The following DNMBP variants were observed in gnomAD, a reference collection of about 807,000 sequenced individuals.
DNMBP encodes the protein dynamin-binding protein.
DNMBP carries 87 observed loss-of-function variants against 150.0 expected under a neutral mutation model. The observed-to-expected ratio is 0.58, with a 90% confidence interval of 0.49 to 0.69. The LOEUF (loss-of-function observed/expected upper bound fraction) is 0.69. Among genes scored for constraint, DNMBP ranks in the 30% least tolerant of loss-of-function variants. The pLI, the probability that DNMBP is intolerant of heterozygous loss-of-function variation, is 0.00. For synonymous variants in DNMBP, 711 were observed against 750.4 expected (o/e 0.95, Z 0.86); for missense variants, 1,774 against 1,949.0 (o/e 0.91, Z 1.69).
At position 99,915,128 on chromosome 10, in the gene DNMBP, T is replaced by TATAC. The variant is rs1439020903; in HGVS notation, c.2261-5983_2261-5982insGTAT. ...AAAAAAATATATATATATATATATA[T>TATAC]ACACACACACACATATATATACATA... On this transcript the variant is annotated intron_variant, in intron 4 of 16. Coordinates refer to ENST00000324109, the MANE Select transcript of DNMBP (RefSeq NM_015221.4). Among the ~76,000 whole-genome samples, 435 of 126,062 alleles carry TATAC rather than the reference T, an allele frequency of 3.5e-3. 1 individual carries two copies. Among genetic ancestry groups the TATAC allele is most frequent in the African/African-American group, 0.011 (338 of 31,196 alleles). 82.7% of individuals were successfully genotyped at this position (126,062 alleles called of 152,430 possible).
At chr10:99,885,642 C>T in intron 14 of DNMBP, 45 bp downstream of exon 14, 1 of 1,519,834 alleles carries the variant, frequency 6.6e-7, no homozygotes, top group Non-Finnish European at 8.9e-7. Flanking sequence ...AGGGTTCCCC[C>T]TCTTTACCCC....
At chr10:100,001,283 T>TGAGA (rs1463766844) in intron 1 of DNMBP, among the ~76,000 whole-genome samples, 5 of 93,342 alleles carry the variant, frequency 5.4e-5, no homozygotes, top group Non-Finnish European at 8.3e-5. Flanking sequence ...GGATAGAGAG[T>TGAGA]GAGAAAGGAA....
intron 1 of DNMBP, among the ~76,000 whole-genome samples, chr10:100,005,452 T>C (rs914046295): frequency 2.6e-5 from 4 of 151,890 alleles, no homozygotes; most frequent in Non-Finnish European, 1.5e-5. Context: ...TATGGATGGA[T>C]CTTAAAAACA....
intron 6 of DNMBP, among the ~76,000 whole-genome samples, chr10:99,903,823 C>A (rs1044275560): frequency 2.6e-5 from 4 of 152,200 alleles, no homozygotes; most frequent in African/African-American, 9.6e-5. Context: ...ATATCAATTA[C>A]AAACTAGCAA....
intron 2 of DNMBP, among the ~76,000 whole-genome samples, chr10:99,969,787 G>C (rs1254813981): frequency 1.3e-5 from 2 of 152,090 alleles, no homozygotes; most frequent in Non-Finnish European, 2.9e-5. Context: ...CTGTCTCTGG[G>C]TATATTTATC....
In DNMBP at chr10:99,969,245, TA is replaced by T; in HGVS notation, c.146-9del. On this transcript the variant is annotated splice_polypyrimidine_tract_variant and intron_variant, in intron 2 of 16. Coordinates refer to ENST00000324109, the MANE Select transcript of DNMBP (RefSeq NM_015221.4). ...AACTGCTGGGGAATTGTCCTGAAAATAAAAGCAAACATATTAAATTTTAATA... is the reference window on the plus strand; with the variant it reads ...AACTGCTGGGGAATTGTCCTGAAAATAAAGCAAACATATTAAATTTTAATA... 1.2e-6 allele frequency: 2 copies of T among 1,613,622 alleles called. No homozygotes were observed. The highest frequency in any genetic ancestry group is 1.7e-6 in the Non-Finnish European group (2 of 1,179,812).
intron 1 of DNMBP, among the ~76,000 whole-genome samples, chr10:99,994,240 T>C (rs185572563): frequency 6.2e-4 from 94 of 152,360 alleles, no homozygotes; most frequent in African/African-American, 2.1e-3. Flanking sequence ...AACTTTAGTT[T>C]CCTCATCTGT....
intron 11 of DNMBP, among the ~76,000 whole-genome samples, chr10:99,892,909 A>ATAAACTGAGGTAGGGGGAGGACATCT: frequency 6.6e-6 from 1 of 152,366 alleles, no homozygotes; most frequent in South Asian, 2.1e-4. Flanking sequence ...TCAGAAGTCA[A>ATAAACTGAGGTAGGGGGAGGACATCT]TAAACTGAGG....
intron 3 of DNMBP, among the ~76,000 whole-genome samples, chr10:99,968,807 T>C (rs541602862): frequency 6.6e-6 from 1 of 152,232 alleles, no homozygotes; most frequent in East Asian, 1.9e-4. Flanking sequence ...AGGCCAAGAC[T>C]TCCCACCTTC....
At chr10:99,999,094 G>A (rs1350196503) in intron 1 of DNMBP, among the ~76,000 whole-genome samples, 1 of 152,190 alleles carries the variant, frequency 6.6e-6, no homozygotes, top group Non-Finnish European at 1.5e-5. Context: ...GCTCCAGACA[G>A]AATCCTCCCT....
chr10:99,916,217 C>T (rs1471251248), intron 4 of DNMBP, among the ~76,000 whole-genome samples: 1 of 152,214 alleles, frequency 6.6e-6, no homozygotes, highest in Admixed American at 6.5e-5. Context: ...AATCCTAGCA[C>T]TTTTGGAAGC....
chr10:99,955,008 A>T (rs2040467424), intron 4 of DNMBP, among the ~76,000 whole-genome samples: 1 of 149,662 alleles, frequency 6.7e-6, no homozygotes, highest in African/African-American at 2.5e-5. Context: ...AGCCAAGTTC[A>T]TGCCACTGCA....
At chr10:99,991,547 T>C (rs1458752022) in intron 1 of DNMBP, among the ~76,000 whole-genome samples, 1 of 151,578 alleles carries the variant, frequency 6.6e-6, no homozygotes, top group Non-Finnish European at 1.5e-5. Flanking sequence ...ATTGGCTTCC[T>C]AGTACAATGT....
intron 1 of DNMBP, among the ~76,000 whole-genome samples, chr10:99,996,020 T>C (rs571145977): frequency 7.6e-4 from 116 of 152,362 alleles, no homozygotes; most frequent in South Asian, 2.9e-3. Context: ...CTGTGAACAG[T>C]TGTGAACATG....
At position 99,956,017 on chromosome 10, in the gene DNMBP, G is replaced by A; in HGVS notation, c.1457C>T (p.Ala486Val). 1.2e-6 allele frequency: 2 copies of A among 1,614,208 alleles called. No homozygotes were observed. Among genetic ancestry groups the A allele is most frequent in the Non-Finnish European group, 1.7e-6 (2 of 1,180,046 alleles). ...LPLYRGSSVS[A>V]SRVVKPRQSS... Reference sequence around the variant, plus strand: ...TTGTCTGGGTTTGACTACCCTTGAAGCTGAAACAGAAGAGCCCCTGTAAAG... The same window carrying A: ...TTGTCTGGGTTTGACTACCCTTGAAACTGAAACAGAAGAGCCCCTGTAAAG... The change falls in exon 4 of 17, where the codon GCT becomes GTT. Residue 486 changes from alanine to valine, a missense_variant. By Grantham distance (64) the Ala-to-Val change is moderately conservative (BLOSUM62 0). Around this residue, in one of 2 missense-constraint regions of DNMBP, gnomAD observed 1,430 missense variants for 1,492.5 expected, o/e 0.96. Coordinates refer to ENST00000324109, the MANE Select transcript of DNMBP (RefSeq NM_015221.4).
rs763772923 is a variant in DNMBP, at chr10:99,894,984, A to G, written c.3118T>C (p.Phe1040Leu). The change falls in exon 11 of 17, where the codon TTT becomes CTT. Residue 1040 changes from phenylalanine to leucine, a missense_variant. Physicochemically the swap from Phe to Leu is conservative, Grantham distance 22 (BLOSUM62 0). Around this residue, in one of 2 missense-constraint regions of DNMBP, gnomAD observed 1,430 missense variants for 1,492.5 expected, o/e 0.96. Coordinates refer to ENST00000324109, the MANE Select transcript of DNMBP (RefSeq NM_015221.4). ...AGGTAGAGAGACAGGTCTCGGATAA[A>G]AGACTTAATCAATCTTTCTTGCATT... The part of the protein sequence containing the change: ...FRMQERLIKS[F>L]IRDLSLYLQH... 1 of 1,614,092 alleles carries G rather than the reference A, an allele frequency of 6.2e-7. No individual in the cohort carries two copies. Among genetic ancestry groups the G allele is most frequent in the Non-Finnish European group, 8.5e-7 (1 of 1,179,978 alleles).
chr10:99,972,646 T>C (rs1029101488), intron 1 of DNMBP, among the ~76,000 whole-genome samples: 2 of 145,040 alleles, frequency 1.4e-5, no homozygotes, highest in Non-Finnish European at 3.0e-5. Flanking sequence ...GGTCTCGCTT[T>C]ATCACCCAGG....
At chr10:99,986,753 A>G (rs2040832326) in intron 1 of DNMBP, among the ~76,000 whole-genome samples, 1 of 152,152 alleles carries the variant, frequency 6.6e-6, no homozygotes, top group African/African-American at 2.4e-5. Context: ...TATGAGCAAC[A>G]AAGTGAGGCT....
At chr10:99,897,659 G>A (rs762393198) in intron 9 of DNMBP, among the ~76,000 whole-genome samples, 6 of 152,114 alleles carry the variant, frequency 3.9e-5, no homozygotes, top group Admixed American at 1.3e-4. Context: ...ATTTTGGGCC[G>A]GGTGCAGTGG....
Sources: gnomAD v4.1 joint callset for allele counts (sites outside exome capture counted in the v4.1 genomes callset) on GRCh38, gnomAD v4.1.1 for gene constraint, gnomAD v4.1.1 regional missense constraint, MANE v1.5 for transcripts, NCBI Gene and HGNC (gene_info 2026-07-23, HGNC 2026-07-21) for gene names.